The following LRRFIP2 variants were observed in gnomAD, a reference collection of about 807,000 sequenced individuals.
LRRFIP2 encodes leucine-rich repeat flightless-interacting protein 2.
LRRFIP2 carries 109 observed loss-of-function variants against 125.9 expected under a neutral mutation model. The ratio of observed to expected loss-of-function variants is 0.87; its 90% CI spans 0.74 to 1.01. The LOEUF (loss-of-function observed/expected upper bound fraction) is 1.01, where lower values mean the gene tolerates loss of function less well. Ranked by LOEUF, LRRFIP2 falls within the 50% of genes least tolerant of loss-of-function variation. The pLI is 0.00. For missense variants in LRRFIP2, 850 were observed against 862.3 expected, an observed-to-expected ratio of 0.99 and a Z score of 0.18; for synonymous variants, 291 against 293.1, an observed-to-expected ratio of 0.99 and a Z score of 0.07.
chr3:37,067,797 A>T (rs2090429302), intron 21 of LRRFIP2: 1 of 152,186 alleles, frequency 6.6e-6, no homozygotes, highest in Non-Finnish European at 1.5e-5. Context: ...TGAGGCTCAC[A>T]GTGGTTATAT....
chr3:37,066,112 G>A, intron 22 of LRRFIP2, 112 bp downstream of exon 22: 1 of 1,304,340 alleles, frequency 7.7e-7, no homozygotes, highest in Non-Finnish European at 1.1e-6. Context: ...ATCTGGATTA[G>A]AGAATAAACA....
At position 37,073,372 on chromosome 3, in the gene LRRFIP2, A is replaced by G. The variant is rs545504199; in HGVS notation, c.1372-490T>C. Among the ~76,000 whole-genome samples, 16 of 152,306 alleles carry G rather than the reference A, an allele frequency of 1.1e-4. No homozygotes were observed. The South Asian group carries it at 3.1e-3, about 30-fold the overall frequency. ...AATCTATGACAGCAAGAACACCATG[A>G]ATTTTGTATTATTTTAAAATTATAT... is the stretch of plus-strand genomic sequence containing the variant. On this transcript the variant is annotated intron_variant, in intron 20 of 27. Coordinates refer to ENST00000336686, the MANE Select transcript of LRRFIP2 (RefSeq NM_006309.4).
rs544374258 is a variant in LRRFIP2, at chr3:37,151,823, C to G, written c.-55-2785G>C. On this transcript the variant is annotated intron_variant, in intron 1 of 27. Transcript: ENST00000336686. ...ATGTTGGCCAGGCTGGTCTTGAACTCCTGACCTCAGGAGGCGGGTGATCTG... is the reference window on the plus strand; with the variant it reads ...ATGTTGGCCAGGCTGGTCTTGAACTGCTGACCTCAGGAGGCGGGTGATCTG... 3.7e-4 allele frequency among the ~76,000 whole-genome samples: 57 copies of G among 152,180 alleles called. 2 individuals are homozygous for G. Among genetic ancestry groups the G allele is most frequent in the Admixed American group, 2.2e-3 (33 of 15,284 alleles).
Position 37,065,953 on chromosome 3 carries a change from G to GA in LRRFIP2, c.1567-12dup, listed in dbSNP as rs1463571927. 6.2e-6 allele frequency: 10 copies of GA among 1,613,768 alleles called. No individual in the cohort carries two copies. The highest frequency in any genetic ancestry group is 1.7e-5 in the Admixed American group (1 of 59,974). On this transcript the variant is annotated splice_polypyrimidine_tract_variant and intron_variant, in intron 22 of 27. Coordinates refer to ENST00000336686, the MANE Select transcript of LRRFIP2 (RefSeq NM_006309.4). ...AACTAAGCCATGTTTCTGCAGGGGGGAAAAACCCACCATCACAAAAGGCCC... is the reference window on the plus strand; with the variant it reads ...AACTAAGCCATGTTTCTGCAGGGGGGAAAAAACCCACCATCACAAAAGGCCC...
intron 1 of LRRFIP2, among the ~76,000 whole-genome samples, chr3:37,154,165 G>C (rs1406586485): frequency 6.6e-6 from 1 of 152,076 alleles, no homozygotes; most frequent in Non-Finnish European, 1.5e-5. Flanking sequence ...GACAGAGGGA[G>C]ACCCTGTCTC....
intron 1 of LRRFIP2, among the ~76,000 whole-genome samples, chr3:37,161,554 G>A (rs1384423772): frequency 1.3e-5 from 2 of 152,046 alleles, no homozygotes; most frequent in Non-Finnish European, 2.9e-5. Flanking sequence ...CAAAGTCTCG[G>A]GTAAAGAGGA....
At chr3:37,063,721 C>T in intron 24 of LRRFIP2, 21 bp downstream of exon 24, 1 of 1,585,412 alleles carries the variant, frequency 6.3e-7, no homozygotes. Flanking sequence ...TTATATTACA[C>T]TCCAATAAGA....
intron 19 of LRRFIP2, among the ~76,000 whole-genome samples, chr3:37,081,006 G>A (rs2092594925): frequency 6.6e-6 from 1 of 152,114 alleles, no homozygotes; most frequent in African/African-American, 2.4e-5. Context: ...ACAATGGGCT[G>A]GGCAAAGTGG....
chr3:37,087,122 T>C (rs1245028747), intron 18 of LRRFIP2, among the ~76,000 whole-genome samples: 3 of 152,120 alleles, frequency 2.0e-5, no homozygotes, highest in Non-Finnish European at 2.9e-5. Flanking sequence ...CAAAACTGGA[T>C]TGAAGGTATG....
intron 19 of LRRFIP2, among the ~76,000 whole-genome samples, chr3:37,078,159 A>C (rs1446491333): frequency 6.6e-6 from 1 of 152,152 alleles, no homozygotes; most frequent in Non-Finnish European, 1.5e-5. Context: ...CATGTTTTTT[A>C]ATGATAATTA....
At chr3:37,175,161 A>G (rs2150496218), upstream of LRRFIP2, 1 of 152,220 alleles carries the variant, frequency 6.6e-6, no homozygotes, top group South Asian at 2.1e-4. Context: ...ATACATCCAT[A>G]CCCCGCTCTC....
chr3:37,089,176 T>C (rs1005886184), intron 18 of LRRFIP2, among the ~76,000 whole-genome samples: 2 of 152,186 alleles, frequency 1.3e-5, no homozygotes, highest in Admixed American at 6.5e-5. Context: ...ATTTTAATAG[T>C]TTTTAAAATG....
chr3:37,065,398 C>T (rs1001960609), intron 23 of LRRFIP2: 2 of 343,912 alleles, frequency 5.8e-6, no homozygotes, highest in Non-Finnish European at 1.2e-5. Context: ...AAAAGAGGTA[C>T]AGAACCCTGG....
chr3:37,081,096 A>C (rs1365323894), intron 19 of LRRFIP2, among the ~76,000 whole-genome samples: 3 of 152,150 alleles, frequency 2.0e-5, no homozygotes, highest in Admixed American at 6.5e-5. Flanking sequence ...CTCCACAAAA[A>C]GATTTTTAAA....
chr3:37,161,362 G>T (rs968557119), intron 1 of LRRFIP2, among the ~76,000 whole-genome samples: 5 of 149,968 alleles, frequency 3.3e-5, no homozygotes, highest in African/African-American at 4.9e-5. Flanking sequence ...TTTCAAGAAA[G>T]AAAGAAAAAA....
At chr3:37,113,053 A>C in intron 7 of LRRFIP2, 73 bp from the exon 8 acceptor site, 1 of 828,814 alleles carries the variant, frequency 1.2e-6, no homozygotes, top group Non-Finnish European at 2.0e-6. Context: ...ATTCATCTTC[A>C]AATTATATAC....
intron 21 of LRRFIP2, among the ~76,000 whole-genome samples, chr3:37,071,201 T>C (rs919414254): frequency 1.3e-5 from 2 of 152,226 alleles, no homozygotes; most frequent in Admixed American, 6.5e-5. Flanking sequence ...AAAGTAGCTT[T>C]TGTTCTTTAA....
chr3:37,114,824 T>A (rs2094706812), intron 7 of LRRFIP2, among the ~76,000 whole-genome samples: 1 of 151,496 alleles, frequency 6.6e-6, no homozygotes, highest in Non-Finnish European at 1.5e-5. Context: ...TTACTACCAA[T>A]CCTAGTCCTC....
intron 1 of LRRFIP2, among the ~76,000 whole-genome samples, chr3:37,153,450 A>G (rs1446527784): frequency 6.6e-6 from 1 of 152,074 alleles, no homozygotes; most frequent in Non-Finnish European, 1.5e-5. Context: ...CTAGTCCCCA[A>G]CTGGATCACA....
Sources: gnomAD v4.1 joint callset for allele counts (sites outside exome capture counted in the v4.1 genomes callset) on GRCh38, gnomAD v4.1.1 for gene constraint, MANE v1.5 for transcripts, NCBI Gene and HGNC (gene_info 2026-07-23, HGNC 2026-07-21) for gene names.